The following SEC14L2 variants were observed in gnomAD, a reference collection of about 807,000 sequenced individuals.
SEC14L2 encodes the protein SEC14 like lipid binding 2.
SEC14L2 carries 50 observed loss-of-function variants against 56.9 expected under a neutral mutation model. The ratio of observed to expected loss-of-function variants is 0.88; its 90% CI spans 0.70 to 1.11. The LOEUF (loss-of-function observed/expected upper bound fraction) is 1.11. Ranked by LOEUF, SEC14L2 falls within the 50% of genes most tolerant of loss-of-function variation. The pLI is 0.00. For synonymous variants in SEC14L2, 179 were observed against 188.5 expected (o/e 0.95, Z 0.41); for missense variants, 414 against 500.7 (o/e 0.83, Z 1.65).
chr22:30,423,455 AG>A lies in SEC14L2; in HGVS notation c.*1050del, dbSNP rs1323442663. On this transcript the variant is annotated 3_prime_UTR_variant, in exon 12 of 12. Transcript: ENST00000615189. ...TGCCGGTCGGCGTAGCCAGGCCTGG[AG>A]GCCCCCCAGGCAGGAGGCCGCCCAA... 1.3e-5 allele frequency: 2 copies of A among 152,644 alleles called. No individual in the cohort carries two copies. Among genetic ancestry groups the A allele is most frequent in the East Asian group, 3.8e-4 (2 of 5,202 alleles). 9.5% of individuals were successfully genotyped at this position (152,644 alleles called of 1,614,324 possible). A position where few individuals can be genotyped will look rare whatever the true frequency, so the allele number is the denominator to read the frequency against.
chr22:30,420,777 A>C (rs959383205), intron 11 of SEC14L2: 2 of 152,192 alleles, frequency 1.3e-5, no homozygotes, highest in African/African-American at 4.8e-5. Flanking sequence ...ACAGTGAGAG[A>C]AGACCGGGAT....
intron 8 of SEC14L2, among the ~76,000 whole-genome samples, chr22:30,414,859 C>T (rs1035615649): frequency 2.0e-5 from 3 of 151,912 alleles, no homozygotes; most frequent in Admixed American, 6.6e-5. Flanking sequence ...GCCAAGAATC[C>T]ATTTAAGGGG....
At position 30,397,074 on chromosome 22, in the gene SEC14L2, G is replaced by A; in HGVS notation, c.-43G>A. 4 of 1,532,352 alleles carry A rather than the reference G, an allele frequency of 2.6e-6. No homozygotes were observed. Among genetic ancestry groups the A allele is most frequent in the Non-Finnish European group, 3.5e-6 (4 of 1,132,358 alleles). The allele number at this position is 1,532,352 out of a possible 1,614,324, so 94.9% of individuals were successfully genotyped here. On this transcript the variant is annotated 5_prime_UTR_variant, in exon 1 of 12. Transcript: ENST00000615189. ...CTGTGCTCCATCAGCTGCCGCACCC[G>A]CCGCCTCCCGCCCCCAAACCCCATC...
At chr22:30,398,777 CATGG>C (rs1431669406) in intron 1 of SEC14L2, 1 of 471,014 alleles carries the variant, frequency 2.1e-6, no homozygotes, top group Non-Finnish European at 4.4e-6. Flanking sequence ...GGCAGAAGAC[CATGG>C]TGGAAAGAGT....
rs752656530 is a variant in SEC14L2 at position 30,421,186 on chromosome 22, C to G, written c.1082-1091C>G. 2.0e-5 allele frequency: 3 copies of G among 152,140 alleles called. No homozygotes were observed. The East Asian group carries it at 5.8e-4, about 29-fold the overall frequency. 9.4% of individuals were successfully genotyped at this position (152,140 alleles called of 1,614,324 possible). A position where few individuals can be genotyped will look rare whatever the true frequency, so the allele number is the denominator to read the frequency against. On this transcript the variant is annotated intron_variant, in intron 11 of 11. Transcript: ENST00000615189. ...ACAAACACACACACACACACACACACACACACATATTCACAGGAATTGTCT... is the reference window on the plus strand; with the variant it reads ...ACAAACACACACACACACACACACAGACACACATATTCACAGGAATTGTCT...
At chr22:30,413,130 C>T (rs1934296735) in intron 8 of SEC14L2, among the ~76,000 whole-genome samples, 1 of 152,188 alleles carries the variant, frequency 6.6e-6, no homozygotes, top group African/African-American at 2.4e-5. Context: ...CAGCTAAAAC[C>T]TTGTCAGTAC....
At chr22:30,416,492 T>C (rs1017964671) in intron 11 of SEC14L2, 89 bp downstream of exon 11, 1 of 1,605,120 alleles carries the variant, frequency 6.2e-7, no homozygotes, top group African/African-American at 1.3e-5. Flanking sequence ...TTTTTGGCTC[T>C]GAGTGTTAGA....
rs557552659 is a variant in SEC14L2, at chr22:30,397,228, G to A, written c.54+58G>A. On this transcript the variant is annotated intron_variant, in intron 1 of 11. Transcript: ENST00000615189. ...CGGGCTGTGGCCCTCGCCCTCCTGCGGCAGCGAGAAGGGACGGGGCTGGGT... is the reference window on the plus strand; with the variant it reads ...CGGGCTGTGGCCCTCGCCCTCCTGCAGCAGCGAGAAGGGACGGGGCTGGGT... The A allele has an allele frequency of 8.2e-4, 1,160 of 1,421,224 alleles. 12 individuals are homozygous for A. The African/African-American group carries it at 0.014, about 17-fold the overall frequency. The allele number at this position is 1,421,224 out of a possible 1,614,324, so 88.0% of individuals were successfully genotyped here.
chr22:30,406,746 CTTTTT>C (rs1456743297), intron 3 of SEC14L2, among the ~76,000 whole-genome samples: 2 of 152,014 alleles, frequency 1.3e-5, no homozygotes, highest in African/African-American at 2.4e-5. Context: ...TTTTTGTTTT[CTTTTT>C]TATTTTTTTC....
chr22:30,410,696 G>A lies in SEC14L2; in HGVS notation c.664+17G>A, dbSNP rs1934224680. ...TCCTGGGAGGTAAGTGGTCCAGACTGTTCTCAACTCCAAAGGAGGGTCTGT... is the reference window on the plus strand; with the variant it reads ...TCCTGGGAGGTAAGTGGTCCAGACTATTCTCAACTCCAAAGGAGGGTCTGT... On this transcript the variant is annotated intron_variant, in intron 8 of 11. Coordinates refer to ENST00000615189, the MANE Select transcript of SEC14L2 (RefSeq NM_012429.5). The A allele has an allele frequency of 3.1e-6, 5 of 1,608,484 alleles. No homozygotes were observed. Among genetic ancestry groups the A allele is most frequent in the South Asian group, 1.1e-5 (1 of 90,978 alleles).
chr22:30,424,493 G>A lies in SEC14L2; in HGVS notation c.*2086G>A. On this transcript the variant is annotated 3_prime_UTR_variant, in exon 12 of 12. Coordinates refer to ENST00000615189, the MANE Select transcript of SEC14L2 (RefSeq NM_012429.5). ...ATAGTTACTCATTTTCTCTACCTTT[G>A]ATGAAAATAAGAGCTAATTCTTAAT... 1 of 341,866 alleles carries A rather than the reference G, an allele frequency of 2.9e-6. No individual in the cohort carries two copies. The highest frequency in any genetic ancestry group is 7.8e-5 in the East Asian group (1 of 12,826). 21.2% of individuals were successfully genotyped at this position (341,866 alleles called of 1,614,324 possible).
At chr22:30,416,186 G>A in intron 10 of SEC14L2, 48 bp from the exon 11 acceptor site, 1 of 1,609,500 alleles carries the variant, frequency 6.2e-7, no homozygotes, top group South Asian at 1.1e-5. Context: ...ACCCCGGAGA[G>A]GGCACACACA....
chr22:30,411,932 G>A (rs1934261446), intron 8 of SEC14L2, among the ~76,000 whole-genome samples: 2 of 152,148 alleles, frequency 1.3e-5, no homozygotes, highest in East Asian at 3.9e-4. Context: ...TAAGCTGCGT[G>A]CTATGGAATG....
At chr22:30,418,211 C>T (rs891232824) in intron 11 of SEC14L2, among the ~76,000 whole-genome samples, 1 of 152,120 alleles carries the variant, frequency 6.6e-6, no homozygotes. Context: ...AGCCACCATG[C>T]CCAGCCTTGA....
chr22:30,412,059 T>G (rs1009460228), intron 8 of SEC14L2, among the ~76,000 whole-genome samples: 6 of 152,046 alleles, frequency 3.9e-5, no homozygotes, highest in African/African-American at 1.4e-4. Context: ...AGGCAGGGTG[T>G]GGCAAGGTAT....
chr22:30,399,440 G>A (rs187746143), intron 1 of SEC14L2, among the ~76,000 whole-genome samples: 33 of 149,390 alleles, frequency 2.2e-4, no homozygotes, highest in African/African-American at 7.4e-4. Flanking sequence ...GTGTGAACCC[G>A]GGAGGCAGAG....
chr22:30,402,247 T>G (rs1026749556), intron 2 of SEC14L2, among the ~76,000 whole-genome samples: 1 of 152,090 alleles, frequency 6.6e-6, no homozygotes, highest in African/African-American at 2.4e-5. Context: ...AGTGGGAAGA[T>G]AGTAGCCTTC....
At position 30,423,894 on chromosome 22, in the gene SEC14L2, G is replaced by A. The variant is rs1398923443; in HGVS notation, c.*1487G>A. On this transcript the variant is annotated 3_prime_UTR_variant, in exon 12 of 12. Coordinates refer to ENST00000615189, the MANE Select transcript of SEC14L2 (RefSeq NM_012429.5). ...GCTCCTCGCTGCCTCTCACTCAAGAGGCCCAAACTCAGACGGCGTCAGGGA... is the reference window on the plus strand; with the variant it reads ...GCTCCTCGCTGCCTCTCACTCAAGAAGCCCAAACTCAGACGGCGTCAGGGA... 2.0e-5 allele frequency: 3 copies of A among 152,420 alleles called. No individual in the cohort carries two copies. The highest frequency in any genetic ancestry group is 7.2e-5 in the African/African-American group (3 of 41,592). The allele number at this position is 152,420 out of a possible 1,614,324, so 9.4% of individuals were successfully genotyped here.
Position 30,416,257 on chromosome 22 carries a change from C to T in SEC14L2, c.935C>T (p.Ala312Val), listed in dbSNP as rs138538847. ...VLRWQFMSDG[A>V]DVGFGIFLKT... ...AGGTGGCAGTTTATGTCAGATGGAGCGGATGTTGGTTTTGGGATTTTCCTG... is the reference window on the plus strand; with the variant it reads ...AGGTGGCAGTTTATGTCAGATGGAGTGGATGTTGGTTTTGGGATTTTCCTG... The change falls in exon 11 of 12, where the codon GCG becomes GTG. Residue 312 changes from alanine to valine, a missense_variant. Coordinates refer to ENST00000615189, the MANE Select transcript of SEC14L2 (RefSeq NM_012429.5). 1.1e-5 allele frequency: 17 copies of T among 1,614,014 alleles called. No homozygotes were observed. The highest frequency in any genetic ancestry group is 2.7e-5 in the African/African-American group (2 of 74,930).
Sources: gnomAD v4.1 joint callset for allele counts (sites outside exome capture counted in the v4.1 genomes callset) on GRCh38, gnomAD v4.1.1 for gene constraint, MANE v1.5 for transcripts, NCBI Gene and HGNC (gene_info 2026-07-23, HGNC 2026-07-21) for gene names.